Variants in SASS6 observed in about 807,000 individuals in gnomAD.
SASS6 encodes SAS-6 centriolar assembly protein.
In SASS6, 59 loss-of-function variants were observed where a neutral mutation model predicts 94.9. The ratio of observed to expected loss-of-function variants is 0.62; its 90% CI spans 0.50 to 0.77. The LOEUF (loss-of-function observed/expected upper bound fraction) is 0.77, where lower values mean the gene tolerates loss of function less well. SASS6 is among the 30% of genes least tolerant of loss of function. SASS6 has a pLI of 0.00. For synonymous variants in SASS6, 264 were observed against 270.0 expected (o/e 0.98, Z 0.22); for missense variants, 698 against 734.1 (o/e 0.95, Z 0.57).
chr1:100,122,821 G>A (rs1318385777), intron 3 of SASS6, among the ~76,000 whole-genome samples: 1 of 152,016 alleles, frequency 6.6e-6, no homozygotes, highest in Non-Finnish European at 1.5e-5. Context: ...AAAGTGCTGG[G>A]ATTACAGGCG....
At chr1:100,102,176 T>C (rs1196257380) in intron 14 of SASS6, among the ~76,000 whole-genome samples, 2 of 152,098 alleles carry the variant, frequency 1.3e-5, no homozygotes, top group Non-Finnish European at 2.9e-5. Flanking sequence ...TTAACAAATA[T>C]ATCAAGGGTT....
Position 100,083,967 on chromosome 1 carries a change from A to G in SASS6, c.*1361T>C, listed in dbSNP as rs1343375695. ...CAAAATCACCAAGAGGCTTCTTTCC[A>G]GAATAGCAAGTGCTTTCAAGTTACT... On this transcript the variant is annotated 3_prime_UTR_variant, in exon 17 of 17. Coordinates refer to ENST00000287482, the MANE Select transcript of SASS6 (RefSeq NM_194292.3). 6.6e-6 allele frequency: 1 copy of G among 152,010 alleles called. No homozygotes were observed. The highest frequency in any genetic ancestry group is 2.4e-5 in the African/African-American group (1 of 41,428). 9.4% of individuals were successfully genotyped at this position (152,010 alleles called of 1,614,324 possible).
At chr1:100,086,182 T>TTAAC (rs1651238377) in intron 15 of SASS6, among the ~76,000 whole-genome samples, 2 of 152,266 alleles carry the variant, frequency 1.3e-5, no homozygotes, top group African/African-American at 4.8e-5. Context: ...ACATCCAGTG[T>TTAAC]TAACGGTTTC....
At position 100,093,324 on chromosome 1, in the gene SASS6, T is replaced by A. The variant is rs540602600; in HGVS notation, c.1675-5088A>T. Among the ~76,000 whole-genome samples the A allele has an allele frequency of 2.6e-5, 4 of 152,020 alleles. No individual in the cohort carries two copies. The East Asian group carries it at 7.8e-4, about 29-fold the overall frequency. On this transcript the variant is annotated intron_variant, in intron 14 of 16. Transcript: ENST00000287482. ...CCTCCCCAACAGCTGGGACCACAGGTGTGTGTGACCACACCTGGCCAAAAT... is the reference window on the plus strand; with the variant it reads ...CCTCCCCAACAGCTGGGACCACAGGAGTGTGTGACCACACCTGGCCAAAAT...
chr1:100,113,347 G>A (rs1053897950), intron 7 of SASS6, among the ~76,000 whole-genome samples: 2 of 152,018 alleles, frequency 1.3e-5, no homozygotes, highest in East Asian at 1.9e-4. Flanking sequence ...GGTGGCTCAC[G>A]CCTGTAATCC....
At chr1:100,108,596 A>G (rs1446368376) in intron 8 of SASS6, among the ~76,000 whole-genome samples, 7 of 152,106 alleles carry the variant, frequency 4.6e-5, no homozygotes, top group Admixed American at 4.6e-4. Context: ...TGCTGCTGGT[A>G]TATGAAAGCC....
chr1:100,114,117 G>A (rs954533293), intron 7 of SASS6, among the ~76,000 whole-genome samples: 8 of 152,102 alleles, frequency 5.3e-5, no homozygotes, highest in African/African-American at 1.9e-4. Context: ...CAATAATCAT[G>A]GAGAAAACTG....
chr1:100,110,291 C>T lies in SASS6; in HGVS notation c.861+1G>A. Reference sequence around the variant, plus strand: ...GGAGGAAAAAAAACAACATTCAATACCTCTTCAACACCAGAAAGTTTTGCT... The same window carrying T: ...GGAGGAAAAAAAACAACATTCAATATCTCTTCAACACCAGAAAGTTTTGCT... On this transcript the variant is annotated splice_donor_variant, in intron 8 of 16. Transcript: ENST00000287482. LOFTEE classifies it high-confidence loss of function. The T allele has an allele frequency of 6.5e-7, 1 of 1,539,060 alleles. No homozygotes were observed. Among genetic ancestry groups the T allele is most frequent in the Non-Finnish European group, 8.7e-7 (1 of 1,144,336 alleles).
At chr1:100,104,382 T>G (rs1000336363) in intron 13 of SASS6, among the ~76,000 whole-genome samples, 2 of 152,176 alleles carry the variant, frequency 1.3e-5, no homozygotes, top group African/African-American at 4.8e-5. Context: ...GGATGCTAGG[T>G]AAGCTCCTAG....
chr1:100,102,987 T>G lies in SASS6; in HGVS notation c.1642A>C (p.Lys548Gln). ...CCTGAACCAGGGTGGCTGGTATTTTTGGCAGATATCGAATGAGGGAAGGTA... is the reference window on the plus strand; with the variant it reads ...CCTGAACCAGGGTGGCTGGTATTTTGGGCAGATATCGAATGAGGGAAGGTA... Reference protein sequence around the residue: ...QNTFPHSISAKNTSHPGSGTK... With the variant: ...QNTFPHSISAQNTSHPGSGTK... The change falls in exon 14 of 17, where the codon AAA (lysine) becomes CAA (glutamine). Residue 548 changes from lysine (K) to glutamine (Q), a missense_variant. Coordinates refer to ENST00000287482, the MANE Select transcript of SASS6 (RefSeq NM_194292.3). 8 of 1,612,750 alleles carry G rather than the reference T, an allele frequency of 5.0e-6. No individual in the cohort carries two copies. Among genetic ancestry groups the G allele is most frequent in the Non-Finnish European group, 6.8e-6 (8 of 1,178,976 alleles).
rs763430503 is a variant in SASS6, at chr1:100,085,612, C to T, written c.1791G>A (p.Leu597=). ...CCCTTTTCTTCAGGTATTTGGATTC[C>T]AACCCTACATTTTCACCACTTAAAA... ...TDKENGENVG[L]ESKYLKKRED... Residue 597 remains leucine, a synonymous_variant, in exon 16 of 17, where the codon TTG becomes TTA. Coordinates refer to ENST00000287482, the MANE Select transcript of SASS6 (RefSeq NM_194292.3). 2 of 1,608,724 alleles carry T rather than the reference C, an allele frequency of 1.2e-6. No homozygotes were observed. The highest frequency in any genetic ancestry group is 1.3e-5 in the African/African-American group (1 of 74,880).
At chr1:100,100,962 T>C (rs1652437063) in intron 14 of SASS6, among the ~76,000 whole-genome samples, 1 of 152,218 alleles carries the variant, frequency 6.6e-6, no homozygotes, top group Non-Finnish European at 1.5e-5. Context: ...TTTAGTCTGA[T>C]TCTTTAATTT....
intron 14 of SASS6, among the ~76,000 whole-genome samples, chr1:100,091,074 G>A (rs1345091262): frequency 6.6e-6 from 1 of 152,146 alleles, no homozygotes; most frequent in African/African-American, 2.4e-5. Context: ...GGAGGCTGAG[G>A]TGGGTCAATC....
At chr1:100,109,498 C>T (rs1360260410) in intron 8 of SASS6, among the ~76,000 whole-genome samples, 4 of 151,910 alleles carry the variant, frequency 2.6e-5, no homozygotes, top group Non-Finnish European at 5.9e-5. Flanking sequence ...GGCTTAATAC[C>T]CAGGTGATGA....
intron 2 of SASS6, among the ~76,000 whole-genome samples, chr1:100,125,541 T>C (rs1654546520): frequency 6.6e-6 from 1 of 151,036 alleles, no homozygotes; most frequent in Non-Finnish European, 1.5e-5. Context: ...TAGCTGGGCG[T>C]GGTGGTGCAT....
chr1:100,085,673 TTA>T (rs1651197488), intron 15 of SASS6, 43 bp from the exon 16 acceptor site: 1 of 1,249,262 alleles, frequency 8.0e-7, no homozygotes, highest in African/African-American at 1.5e-5. Flanking sequence ...AAAGTCTTTA[TTA>T]ACTTTGAAGG....
chr1:100,120,428 T>C lies in SASS6; in HGVS notation c.515A>G (p.Asp172Gly). The part of the protein sequence containing the change: ...EEKLSLMQSL[D>G]DATKQLDFTR... ...AAAGTCCAGTTGCTTAGTAGCATCATCTAGTGATTGCATCAATGATAATTT... is the reference window on the plus strand; with the variant it reads ...AAAGTCCAGTTGCTTAGTAGCATCACCTAGTGATTGCATCAATGATAATTT... Residue 172 changes from aspartate (D) to glycine (G), a missense_variant, in exon 6 of 17, where the codon GAT (aspartate) becomes GGT (glycine). Physicochemically the swap from Asp to Gly is moderately conservative, Grantham distance 94. Coordinates refer to ENST00000287482, the MANE Select transcript of SASS6 (RefSeq NM_194292.3). The C allele has an allele frequency of 2.0e-6, 3 of 1,517,360 alleles. No homozygotes were observed. The highest frequency in any genetic ancestry group is 2.7e-6 in the Non-Finnish European group (3 of 1,092,998). The allele number at this position is 1,517,360 out of a possible 1,614,324, so 94.0% of individuals were successfully genotyped here.
At chr1:100,122,176 T>C (rs1040980757) in intron 4 of SASS6, among the ~76,000 whole-genome samples, 13 of 152,230 alleles carry the variant, frequency 8.5e-5, no homozygotes, top group African/African-American at 3.1e-4. Context: ...TTTAGTGCCT[T>C]TGTCAAGACA....
At chr1:100,092,165 A>C (rs1400803517) in intron 14 of SASS6, among the ~76,000 whole-genome samples, 5 of 150,508 alleles carry the variant, frequency 3.3e-5, no homozygotes, top group African/African-American at 1.2e-4. Context: ...AACTGTGAAA[A>C]ACTAAAAATA....
Sources: allele counts gnomAD v4.1 joint callset (sites outside exome capture counted in the v4.1 genomes callset), GRCh38; gene constraint gnomAD v4.1.1; transcripts MANE v1.5; gene names NCBI Gene and HGNC (gene_info 2026-07-23, HGNC 2026-07-21).